RALGPS2: variants seen among roughly 807,000 people sequenced by gnomAD.
RALGPS2 encodes the protein Ral GEF with PH domain and SH3 binding motif 2, also known as ras-specific guanine nucleotide-releasing factor RalGPS2.
In RALGPS2, 43 loss-of-function variants were observed where a neutral mutation model predicts 86.8. The observed-to-expected ratio is 0.50, with a 90% CI of 0.39 to 0.64. The LOEUF is 0.64. Ranked by LOEUF, RALGPS2 falls within the 30% of genes least tolerant of loss-of-function variation. RALGPS2 has a pLI of 0.00. For synonymous variants in RALGPS2, 243 were observed against 231.3 expected (o/e 1.05, Z -0.46); for missense variants, 536 against 694.6 (o/e 0.77, Z 2.57).
chr1:178,867,795 TC>T (rs148080321), intron 8 of RALGPS2, among the ~76,000 whole-genome samples: 2,731 of 152,154 alleles, frequency 0.018, 37 homozygotes, highest in Non-Finnish European at 0.029. Context: ...TAGTTATATA[TC>T]TAACCTATGA....
intron 4 of RALGPS2, among the ~76,000 whole-genome samples, chr1:178,797,135 C>T (rs1424027517): frequency 6.6e-6 from 1 of 152,036 alleles, no homozygotes; most frequent in African/African-American, 2.4e-5. Flanking sequence ...TTTACTTCAA[C>T]CTTTTGATGT....
intron 1 of RALGPS2, among the ~76,000 whole-genome samples, chr1:178,766,032 G>A (rs993360864): frequency 6.6e-6 from 1 of 152,188 alleles, no homozygotes; most frequent in African/African-American, 2.4e-5. Flanking sequence ...AGCTTACAAA[G>A]ATGACGGGAT....
chr1:178,919,140 CA>C lies in RALGPS2; in HGVS notation c.*2782del, dbSNP rs1660903733. On this transcript the variant is annotated 3_prime_UTR_variant, in exon 20 of 20. Transcript: ENST00000367635. ...CTCTGTTCAGGCTCTGCTTGTTTTT[CA>C]GAATATGATTTTTACCTCCAGACAG... is the stretch of plus-strand genomic sequence containing the variant. 6.6e-6 allele frequency: 1 copy of C among 151,968 alleles called. No homozygotes were observed. Among genetic ancestry groups the C allele is most frequent in the Non-Finnish European group, 1.5e-5 (1 of 67,904 alleles). The allele number at this position is 151,968 out of a possible 1,614,324, so 9.4% of individuals were successfully genotyped here.
chr1:178,902,895 G>T (rs757778333), intron 18 of RALGPS2, among the ~76,000 whole-genome samples: 2 of 152,072 alleles, frequency 1.3e-5, no homozygotes, highest in Non-Finnish European at 2.9e-5. Flanking sequence ...TTTACATACA[G>T]TATATAGAGA....
At chr1:178,776,430 C>T (rs569453790) in intron 1 of RALGPS2, among the ~76,000 whole-genome samples, 3 of 152,014 alleles carry the variant, frequency 2.0e-5, no homozygotes, top group African/African-American at 4.8e-5. Flanking sequence ...ACCCACTTAG[C>T]GAAAAGTTAT....
At chr1:178,860,844 C>G (rs1404394799) in intron 8 of RALGPS2, among the ~76,000 whole-genome samples, 1 of 152,132 alleles carries the variant, frequency 6.6e-6, no homozygotes, top group African/African-American at 2.4e-5. Flanking sequence ...CATAAGTACA[C>G]CAGTAGCCAT....
intron 19 of RALGPS2, 111 bp from the exon 20 acceptor site, chr1:178,916,219 A>T: frequency 2.4e-6 from 2 of 833,372 alleles, no homozygotes. Flanking sequence ...AGTTCCTTTT[A>T]AAAGATACTT....
At chr1:178,915,887 ATGTT>A (rs1553278430) in intron 19 of RALGPS2, among the ~76,000 whole-genome samples, 1 of 152,210 alleles carries the variant, frequency 6.6e-6, no homozygotes, top group Non-Finnish European at 1.5e-5. Context: ...ATTCTTAGTA[ATGTT>A]TGTTATAAAA....
intron 1 of RALGPS2, among the ~76,000 whole-genome samples, chr1:178,727,873 A>T (rs1650119059): frequency 6.6e-6 from 1 of 152,202 alleles, no homozygotes; most frequent in African/African-American, 2.4e-5. Flanking sequence ...TTAAATGATA[A>T]GTGGGCAAAT....
intron 19 of RALGPS2, among the ~76,000 whole-genome samples, chr1:178,915,184 A>G (rs1660764486): frequency 1.3e-5 from 2 of 152,242 alleles, no homozygotes. Context: ...CTTAAACCAC[A>G]TTCAGGCAAC....
At chr1:178,897,534 G>T (rs967723631) in intron 16 of RALGPS2, 130 bp from the exon 17 acceptor site, 2 of 685,446 alleles carry the variant, frequency 2.9e-6, no homozygotes, top group Non-Finnish European at 2.6e-6. Context: ...TTTCAGAAGT[G>T]ATACAGCTCA....
Position 178,784,422 on chromosome 1 carries a change from G to A in RALGPS2, c.62G>A (p.Ser21Asn), listed in dbSNP as rs1653549248. The change falls in exon 3 of 20, where the codon AGT (serine) becomes AAT (asparagine). Residue 21 changes from serine to asparagine, a missense_variant. Around this residue, in one of 3 missense-constraint regions of RALGPS2, gnomAD observed 43 missense variants for 34.9 expected, o/e 1.23. Transcript: ENST00000367635. ...VNIAATASEK[S>N]SSSESLSDKG... ...CATTTTCTTTCACTTTAACAGAAAA[G>A]TAGCAGCTCTGAATCCTTAAGTGAC... 6 of 1,595,132 alleles carry A rather than the reference G, an allele frequency of 3.8e-6. No individual in the cohort carries two copies. The highest frequency in any genetic ancestry group is 1.1e-5 in the South Asian group (1 of 87,200).
chr1:178,868,814 AATAAAT>A (rs1328732334), intron 8 of RALGPS2, among the ~76,000 whole-genome samples: 1 of 151,978 alleles, frequency 6.6e-6, no homozygotes, highest in Non-Finnish European at 1.5e-5. Flanking sequence ...TTAGTTTTTA[AATAAAT>A]ATAATTTTTT....
chr1:178,843,983 ATT>A (rs1416038679), intron 8 of RALGPS2, among the ~76,000 whole-genome samples: 1 of 152,206 alleles, frequency 6.6e-6, no homozygotes, highest in Non-Finnish European at 1.5e-5. Flanking sequence ...TATTTAATCT[ATT>A]AAAACATACA....
chr1:178,728,969 A>C (rs1572259861), intron 1 of RALGPS2, among the ~76,000 whole-genome samples: 1 of 152,214 alleles, frequency 6.6e-6, no homozygotes, highest in East Asian at 1.9e-4. Flanking sequence ...CTATATATAC[A>C]TACAGTTATA....
At chr1:178,876,505 G>A (rs1040243127) in intron 8 of RALGPS2, among the ~76,000 whole-genome samples, 8 of 152,084 alleles carry the variant, frequency 5.3e-5, no homozygotes, top group African/African-American at 1.4e-4. Context: ...TATTGACACC[G>A]AATTAGATAA....
intron 1 of RALGPS2, among the ~76,000 whole-genome samples, chr1:178,755,757 G>A (rs79000755): frequency 0.084 from 12,767 of 152,100 alleles, 1,111 homozygotes; most frequent in African/African-American, 0.22. Flanking sequence ...TTATATGAGA[G>A]ATTTCCAAAC....
intron 8 of RALGPS2, among the ~76,000 whole-genome samples, chr1:178,867,771 A>G (rs941299233): frequency 4.0e-5 from 6 of 151,632 alleles, no homozygotes; most frequent in African/African-American, 1.4e-4. Context: ...TTCTGTATGT[A>G]TTCTGTCAGC....
chr1:178,778,805 AAC>A (rs1451450702), intron 2 of RALGPS2, among the ~76,000 whole-genome samples: 6 of 151,686 alleles, frequency 4.0e-5, no homozygotes, highest in African/African-American at 1.5e-4. Context: ...CAAAAAACCA[AAC>A]ACCGCATATT....
Sources: allele counts gnomAD v4.1 joint callset (sites outside exome capture counted in the v4.1 genomes callset), GRCh38; gene constraint gnomAD v4.1.1; regional missense constraint gnomAD v4.1.1; transcripts MANE v1.5; gene names NCBI Gene and HGNC (gene_info 2026-07-23, HGNC 2026-07-21).